The following PTPRT variants were observed in gnomAD, a reference collection of about 807,000 sequenced individuals.
PTPRT encodes receptor-type tyrosine-protein phosphatase T.
In PTPRT, 56 loss-of-function variants were observed where a neutral mutation model predicts 176.8. That is an observed-to-expected ratio of 0.32 (90% CI 0.26 to 0.40). PTPRT has a LOEUF of 0.40. Among genes scored for constraint, PTPRT ranks in the 10% least tolerant of loss-of-function variants. The pLI is 1.00. For synonymous variants in PTPRT, 783 were observed against 739.0 expected (o/e 1.06, Z -0.96); for missense variants, 1,540 against 1,908.2 (o/e 0.81, Z 3.60).
At position 42,252,922 on chromosome 20, in the gene PTPRT, CAGAT is replaced by C. The variant is rs530111647; in HGVS notation, c.2177-4104_2177-4101del. Among the ~76,000 whole-genome samples, 47 of 152,320 alleles carry C rather than the reference CAGAT, an allele frequency of 3.1e-4. No homozygotes were observed. The South Asian group carries it at 9.7e-3, about 32-fold the overall frequency. ...ATGCTTGGTTGGTCTAACTAGACAT[CAGAT>C]ACAGGAACGTGAACATTCCCTGGGA... On this transcript the variant is annotated intron_variant, in intron 13 of 30. Transcript: ENST00000373187.
At position 42,252,567 on chromosome 20, in the gene PTPRT, T is replaced by A. The variant is rs541619386; in HGVS notation, c.2177-3745A>T. Among the ~76,000 whole-genome samples the A allele has an allele frequency of 3.9e-5, 6 of 152,206 alleles. No individual in the cohort carries two copies. In the East Asian group the frequency reaches 9.6e-4, roughly 24 times the overall value. ...GTATCCTAGAGCCAAGAGAAGAGAA[T>A]GTTTCAAAAAGGAGGGCATGATCAA... On this transcript the variant is annotated intron_variant, in intron 13 of 30. Coordinates refer to ENST00000373187, the MANE Select transcript of PTPRT (RefSeq NM_007050.6).
At chr20:42,139,162 G>A (rs1018824272) in intron 18 of PTPRT, among the ~76,000 whole-genome samples, 20 of 151,508 alleles carry the variant, frequency 1.3e-4, no homozygotes, top group African/African-American at 4.1e-4. Flanking sequence ...TATGTCTTGC[G>A]CTGCTTTCTG....
At chr20:43,056,666 A>G (rs1987245918) in intron 1 of PTPRT, among the ~76,000 whole-genome samples, 2 of 152,222 alleles carry the variant, frequency 1.3e-5, no homozygotes, top group Non-Finnish European at 2.9e-5. Flanking sequence ...GAACAACTTT[A>G]TAGTGGAAAA....
intron 5 of PTPRT, among the ~76,000 whole-genome samples, chr20:42,766,892 A>G (rs138929944): frequency 1.3e-5 from 2 of 152,324 alleles, no homozygotes; most frequent in East Asian, 3.9e-4. Context: ...TACACAGTAG[A>G]CCTGCTGTAG....
intron 6 of PTPRT, among the ~76,000 whole-genome samples, chr20:42,742,329 C>A (rs958916494): frequency 3.9e-5 from 6 of 152,336 alleles, no homozygotes; most frequent in Admixed American, 3.9e-4. Context: ...GCCACGGTAA[C>A]AGACAGAGCC....
At chr20:42,566,272 A>AT (rs35597513) in intron 7 of PTPRT, among the ~76,000 whole-genome samples, 37,089 of 151,774 alleles carry the variant, frequency 0.24, 5,127 homozygotes, top group African/African-American at 0.37. Context: ...AGTAGCTGGG[A>AT]TTACGTGTGT....
At chr20:42,058,098 G>T in the PTPRT span, among the ~76,000 whole-genome samples, 6 of 152,228 alleles carry the variant, frequency 3.9e-5, no homozygotes, top group African/African-American at 1.4e-4. Flanking sequence ...GCTTCCTGTG[G>T]CCTAAGACAC....
At chr20:43,179,045 A>G (rs76759308) in intron 1 of PTPRT, among the ~76,000 whole-genome samples, 6,489 of 152,314 alleles carry the variant, frequency 0.043, 192 homozygotes, top group Non-Finnish European at 0.066. Context: ...GAATGAAACA[A>G]TTAAACTGTA....
chr20:42,572,918 TTTTG>T (rs1286038549), intron 7 of PTPRT, among the ~76,000 whole-genome samples: 8 of 136,344 alleles, frequency 5.9e-5, no homozygotes, highest in African/African-American at 2.6e-4. Flanking sequence ...AGAGATAAGT[TTTTG>T]TTTTTTTTTT....
chr20:43,149,373 A>T lies in PTPRT; in HGVS notation c.88+40273T>A, dbSNP rs976408155. ...TGCTTGCACTAGGTTAATTCTATTC[A>T]CTGGAGAAAAGCCAACCAAATACTA... On this transcript the variant is annotated intron_variant, in intron 1 of 30. Transcript: ENST00000373187. Among the ~76,000 whole-genome samples, 9 of 152,238 alleles carry T rather than the reference A, an allele frequency of 5.9e-5. No homozygotes were observed. In the East Asian group the frequency reaches 1.7e-3, roughly 29 times the overall value.
intron 16 of PTPRT, among the ~76,000 whole-genome samples, chr20:42,176,131 C>T (rs578150469): frequency 3.3e-5 from 5 of 152,232 alleles, no homozygotes; most frequent in South Asian, 4.1e-4. Flanking sequence ...GTTGTTTACT[C>T]GTGTATCTCC....
intron 4 of PTPRT, among the ~76,000 whole-genome samples, chr20:42,772,412 A>G (rs1013907529): frequency 5.9e-5 from 9 of 152,302 alleles, no homozygotes; most frequent in Non-Finnish European, 1.2e-4. Flanking sequence ...GATTCTAGGG[A>G]CTGGACATAA....
intron 7 of PTPRT, among the ~76,000 whole-genome samples, chr20:42,668,793 G>A (rs1364397041): frequency 2.7e-5 from 4 of 150,062 alleles, no homozygotes; most frequent in Admixed American, 2.0e-4. Context: ...CTGGGTTCAC[G>A]CCATTCTCCT....
At chr20:42,721,180 A>C (rs1403657713) in intron 6 of PTPRT, among the ~76,000 whole-genome samples, 1 of 152,250 alleles carries the variant, frequency 6.6e-6, no homozygotes, top group Admixed American at 6.5e-5. Context: ...GCCTGAAAGA[A>C]GGCAAACCCA....
chr20:42,739,509 G>A (rs2076577685), intron 6 of PTPRT, among the ~76,000 whole-genome samples: 1 of 152,102 alleles, frequency 6.6e-6, no homozygotes, highest in African/African-American at 2.4e-5. Context: ...GCAAGAGAGA[G>A]GGAAGGGGCA....
the PTPRT span, among the ~76,000 whole-genome samples, chr20:42,041,188 A>C: frequency 6.6e-6 from 1 of 152,170 alleles, no homozygotes; most frequent in Non-Finnish European, 1.5e-5. Flanking sequence ...AGTCCAATCC[A>C]CTACTGCCCT....
chr20:42,944,212 G>A (rs1980741462), intron 1 of PTPRT, among the ~76,000 whole-genome samples: 1 of 152,230 alleles, frequency 6.6e-6, no homozygotes, highest in South Asian at 2.1e-4. Context: ...AAACATCACA[G>A]TTTAGGATTT....
At chr20:42,609,804 G>A (rs2073943872) in intron 7 of PTPRT, among the ~76,000 whole-genome samples, 1 of 152,218 alleles carries the variant, frequency 6.6e-6, no homozygotes, top group African/African-American at 2.4e-5. Context: ...TCCCCCCAGG[G>A]CGGGTCTATG....
intron 7 of PTPRT, among the ~76,000 whole-genome samples, chr20:42,529,790 A>G (rs2072347090): frequency 1.3e-5 from 2 of 151,564 alleles, no homozygotes; most frequent in South Asian, 4.2e-4. Flanking sequence ...CCTGGCCTCA[A>G]AGTAAATTTT....
Sources: allele counts gnomAD v4.1 joint callset (sites outside exome capture counted in the v4.1 genomes callset), GRCh38; gene constraint gnomAD v4.1.1; transcripts MANE v1.5; gene names NCBI Gene and HGNC (gene_info 2026-07-23, HGNC 2026-07-21).